Variants in GALNT11 observed in about 807,000 individuals in gnomAD.
GALNT11 encodes polypeptide N-acetylgalactosaminyltransferase 11.
A neutral mutation model predicts 72.7 loss-of-function variants in GALNT11; 47 were observed. The ratio of observed to expected loss-of-function variants is 0.65; its 90% CI spans 0.51 to 0.82. The LOEUF (loss-of-function observed/expected upper bound fraction) is 0.82, where lower values mean the gene tolerates loss of function less well. Among genes scored for constraint, GALNT11 ranks in the 40% least tolerant of loss-of-function variants. The pLI, the probability that GALNT11 is intolerant of heterozygous loss-of-function variation, is 0.00. For synonymous variants in GALNT11, 270 were observed against 286.6 expected (o/e 0.94, Z 0.58); for missense variants, 677 against 778.4 (o/e 0.87, Z 1.55).
intron 1 of GALNT11, among the ~76,000 whole-genome samples, chr7:152,050,736 G>A (rs904239974): frequency 6.6e-6 from 1 of 152,198 alleles, no homozygotes; most frequent in Admixed American, 6.5e-5. Flanking sequence ...TGCTATTCAA[G>A]TTTATTTTGA....
chr7:152,117,218 G>C lies in GALNT11; in HGVS notation c.1295G>C (p.Arg432Pro), dbSNP rs375106713. Residue 432 changes from arginine (R) to proline (P), a missense_variant, in exon 9 of 12, where the codon CGT (arginine) becomes CCT (proline). Coordinates refer to ENST00000430044, the MANE Select transcript of GALNT11 (RefSeq NM_022087.4). ...KTKSYGNISE[R>P]VELRKKLGCK... ...AAAAGCTATGGCAATATCAGTGAGC[G>C]TGTGGAACTGAGAAAGAAGTTGGGC... 6.2e-7 allele frequency: 1 copy of C among 1,614,000 alleles called. No individual in the cohort carries two copies. Among genetic ancestry groups the C allele is most frequent in the Non-Finnish European group, 8.5e-7 (1 of 1,180,038 alleles).
At chr7:152,100,239 A>C (rs961452672) in intron 2 of GALNT11, among the ~76,000 whole-genome samples, 25 of 151,924 alleles carry the variant, frequency 1.6e-4, no homozygotes, top group Admixed American at 1.6e-3. Flanking sequence ...GTTGCAGGTA[A>C]ATTTTTCTTT....
At chr7:152,095,820 T>C (rs1217479673) in intron 2 of GALNT11, among the ~76,000 whole-genome samples, 1 of 152,172 alleles carries the variant, frequency 6.6e-6, no homozygotes, top group East Asian at 1.9e-4. Context: ...ATTGTAGATA[T>C]TGAATAACAA....
chr7:152,036,778 A>G (rs1045257622), intron 1 of GALNT11, among the ~76,000 whole-genome samples: 1 of 152,162 alleles, frequency 6.6e-6, no homozygotes, highest in Admixed American at 6.5e-5. Context: ...GATATAAGCC[A>G]TTTTAACTGG....
At chr7:152,084,115 G>C (rs531669047) in intron 1 of GALNT11, among the ~76,000 whole-genome samples, 5 of 152,122 alleles carry the variant, frequency 3.3e-5, no homozygotes, top group African/African-American at 4.8e-5. Context: ...CTCTGTGCCT[G>C]GTAGTTTGTT....
intron 1 of GALNT11, among the ~76,000 whole-genome samples, chr7:152,087,828 A>G (rs1563064064): frequency 6.6e-6 from 1 of 152,198 alleles, no homozygotes; most frequent in Non-Finnish European, 1.5e-5. Context: ...AATTCTGAGT[A>G]TTTCATTTGA....
At chr7:152,116,928 C>T in intron 8 of GALNT11, 1 of 659,296 alleles carries the variant, frequency 1.5e-6, no homozygotes, top group Non-Finnish European at 2.8e-6. Context: ...CGCAGACCCT[C>T]CTGGGAGTTT....
chr7:152,071,305 G>A (rs192047219), intron 1 of GALNT11, among the ~76,000 whole-genome samples: 34 of 152,166 alleles, frequency 2.2e-4, no homozygotes, highest in Admixed American at 6.5e-4. Context: ...GTTTATAAGC[G>A]TATACCTCCA....
Position 152,094,149 on chromosome 7 carries a change from A to G in GALNT11, c.-38-41A>G. On this transcript the variant is annotated intron_variant, in intron 1 of 11. Transcript: ENST00000430044. This position sits in a 1 kb window ranked among gnomAD's most constrained non-coding sequence, Gnocchi z 4.3. ...ATTCTGTATTTGGTGGATGGTTTAA[A>G]GTATACTGAAGTGTCTAACATATTT... 1 of 1,466,804 alleles carries G rather than the reference A, an allele frequency of 6.8e-7. No individual in the cohort carries two copies. Among genetic ancestry groups the G allele is most frequent in the Non-Finnish European group, 9.2e-7 (1 of 1,088,740 alleles). 90.9% of individuals were successfully genotyped at this position (1,466,804 alleles called of 1,614,324 possible). A position where few individuals can be genotyped will look rare whatever the true frequency, so the allele number is the denominator to read the frequency against.
At chr7:152,057,251 C>T (rs2083736527) in intron 1 of GALNT11, among the ~76,000 whole-genome samples, 1 of 151,136 alleles carries the variant, frequency 6.6e-6, no homozygotes, top group Non-Finnish European at 1.5e-5. Context: ...TTTTTTTTAA[C>T]CTATAGCCCT....
intron 1 of GALNT11, among the ~76,000 whole-genome samples, chr7:152,077,585 C>T (rs922357267): frequency 1.3e-5 from 2 of 152,200 alleles, no homozygotes; most frequent in East Asian, 3.9e-4. Flanking sequence ...ATGGGGTCAC[C>T]TGGGGGTTTA....
intron 2 of GALNT11, among the ~76,000 whole-genome samples, chr7:152,099,356 T>G (rs1420854904): frequency 6.7e-6 from 1 of 149,326 alleles, no homozygotes; most frequent in Non-Finnish European, 1.5e-5. Context: ...ATTTATTTAT[T>G]TATTTATTTA....
intron 3 of GALNT11, among the ~76,000 whole-genome samples, chr7:152,102,196 C>T (rs2086989821): frequency 6.6e-6 from 1 of 152,112 alleles, no homozygotes; most frequent in East Asian, 1.9e-4. Flanking sequence ...AAAAAGAACT[C>T]ACATTTTTAT....
At chr7:152,104,078 C>T (rs2087261583) in intron 4 of GALNT11, 1 of 152,228 alleles carries the variant, frequency 6.6e-6, no homozygotes, top group South Asian at 2.1e-4. Context: ...CTAAGAATGG[C>T]TTTGTGTACC....
chr7:152,056,621 G>A (rs972358423), intron 1 of GALNT11, among the ~76,000 whole-genome samples: 2 of 152,126 alleles, frequency 1.3e-5, no homozygotes, highest in African/African-American at 4.8e-5. Flanking sequence ...ATTAAATAAT[G>A]AAGAAGCAGA....
chr7:152,034,355 T>G (rs536628602), intron 1 of GALNT11, among the ~76,000 whole-genome samples: 9 of 152,338 alleles, frequency 5.9e-5, no homozygotes, highest in Admixed American at 5.2e-4. Flanking sequence ...TCCATTTGCC[T>G]TCCCTCTTAC....
chr7:152,053,939 T>C (rs1457568681), intron 1 of GALNT11, among the ~76,000 whole-genome samples: 1 of 152,188 alleles, frequency 6.6e-6, no homozygotes, highest in African/African-American at 2.4e-5. Context: ...TCCTAGTTTT[T>C]GTTAGAAAAT....
Position 152,122,071 on chromosome 7 carries a change from T to C in GALNT11, c.*394T>C, listed in dbSNP as rs2089465457. On this transcript the variant is annotated 3_prime_UTR_variant, in exon 12 of 12. Transcript: ENST00000430044. The stretch of plus-strand genomic sequence containing the variant: ...TCTATTCAGATTTATTTATGCCTCT[T>C]TTTAATCCCCTTTAATGATGCAGTG... 1 of 159,606 alleles carries C rather than the reference T, an allele frequency of 6.3e-6. No individual in the cohort carries two copies. The highest frequency in any genetic ancestry group is 2.4e-5 in the African/African-American group (1 of 41,636). The allele number at this position is 159,606 out of a possible 1,614,324, so 9.9% of individuals were successfully genotyped here.
intron 1 of GALNT11, among the ~76,000 whole-genome samples, chr7:152,037,170 G>T (rs923948712): frequency 6.6e-6 from 1 of 152,178 alleles, no homozygotes; most frequent in African/African-American, 2.4e-5. Context: ...ATTTTCTCCA[G>T]TGTTTTCTTT....
Sources: gnomAD v4.1 joint callset for allele counts (sites outside exome capture counted in the v4.1 genomes callset) on GRCh38, gnomAD v4.1.1 for gene constraint, Gnocchi (gnomAD v3.1) non-coding constraint, MANE v1.5 for transcripts, NCBI Gene and HGNC (gene_info 2026-07-23, HGNC 2026-07-21) for gene names.